The following ERBIN variants were observed in gnomAD, a reference collection of about 807,000 sequenced individuals.
ERBIN encodes densin-180-like protein.
A neutral mutation model predicts 158.4 loss-of-function variants in ERBIN; 60 were observed. That is an observed-to-expected ratio of 0.38 (90% CI 0.31 to 0.47). The LOEUF is 0.47. Ranked by LOEUF, ERBIN falls within the 20% of genes least tolerant of loss-of-function variation. The pLI, the probability that ERBIN is intolerant of heterozygous loss-of-function variation, is 0.99. For synonymous variants in ERBIN, 594 were observed against 557.2 expected (o/e 1.07, Z -0.93); for missense variants, 1,610 against 1,648.0 (o/e 0.98, Z 0.40).
At chr5:66,025,337 T>A in intron 10 of ERBIN, 143 bp from the exon 11 acceptor site, 1 of 685,948 alleles carries the variant, frequency 1.5e-6, no homozygotes, top group South Asian at 1.6e-5. Context: ...AACATTGGGA[T>A]TGGGAGTGGT....
At chr5:65,947,773 G>A (rs1369770844) in intron 1 of ERBIN, among the ~76,000 whole-genome samples, 1 of 152,032 alleles carries the variant, frequency 6.6e-6, no homozygotes, top group African/African-American at 2.4e-5. Flanking sequence ...TTGGGAGGCC[G>A]AGGCAGGCAG....
intron 1 of ERBIN, among the ~76,000 whole-genome samples, chr5:65,974,352 T>C (rs1749629935): frequency 6.6e-6 from 1 of 152,188 alleles, no homozygotes; most frequent in Admixed American, 6.5e-5. Flanking sequence ...TCCTGTGACC[T>C]TTGATTATTA....
chr5:65,935,584 T>C (rs112319311), intron 1 of ERBIN, among the ~76,000 whole-genome samples: 1 of 152,230 alleles, frequency 6.6e-6, no homozygotes, highest in African/African-American at 2.4e-5. Context: ...AAATATTTCA[T>C]TCCTTAGTAA....
At chr5:66,020,006 C>T (rs1355631456) in intron 7 of ERBIN, among the ~76,000 whole-genome samples, 2 of 152,012 alleles carry the variant, frequency 1.3e-5, no homozygotes, top group African/African-American at 4.8e-5. Context: ...GGAGAAAGAT[C>T]GTGGAAGCAA....
rs1358327469 is a variant in ERBIN at position 65,944,745 on chromosome 5, G to A, written c.-58+17939G>A. Among the ~76,000 whole-genome samples the A allele has an allele frequency of 3.9e-5, 6 of 152,074 alleles. 1 individual carries two copies. The East Asian group carries it at 7.7e-4, about 20-fold the overall frequency. On this transcript the variant is annotated intron_variant, in intron 1 of 25. Coordinates refer to ENST00000284037, the MANE Select transcript of ERBIN (RefSeq NM_001253697.2). ...CATTTCCTTGATAATTAGAGATGTCGAGTATCTTTATATGTACTTTTTGGC... is the reference window on the plus strand; with the variant it reads ...CATTTCCTTGATAATTAGAGATGTCAAGTATCTTTATATGTACTTTTTGGC...
intron 14 of ERBIN, among the ~76,000 whole-genome samples, chr5:66,030,730 A>AT (rs1054507500): frequency 2.7e-4 from 40 of 147,182 alleles, no homozygotes; most frequent in South Asian, 1.3e-3. Flanking sequence ...GCCCAGCTAA[A>AT]TTTTTTTTTT....
At chr5:66,066,075 T>C (rs927137601) in intron 21 of ERBIN, among the ~76,000 whole-genome samples, 1 of 152,202 alleles carries the variant, frequency 6.6e-6, no homozygotes, top group African/African-American at 2.4e-5. Flanking sequence ...GTTCAAAACA[T>C]TCTAAAATCA....
At chr5:65,986,095 C>G (rs1751197186) in intron 1 of ERBIN, among the ~76,000 whole-genome samples, 1 of 152,160 alleles carries the variant, frequency 6.6e-6, no homozygotes, top group African/African-American at 2.4e-5. Context: ...GTCTGCCCTC[C>G]TGCCCTTGAT....
intron 24 of ERBIN, 170 bp from the exon 25 acceptor site, chr5:66,076,705 A>G (rs1396853052): frequency 1.6e-6 from 1 of 620,306 alleles, no homozygotes; most frequent in Non-Finnish European, 2.9e-6. Flanking sequence ...TAAAGTCAGA[A>G]TTACTAGAGG....
intron 1 of ERBIN, among the ~76,000 whole-genome samples, chr5:65,931,389 G>T (rs1743356170): frequency 6.6e-6 from 1 of 152,162 alleles, no homozygotes; most frequent in African/African-American, 2.4e-5. Flanking sequence ...AATAATCTGG[G>T]ACAACTTACT....
At position 66,082,214 on chromosome 5, in the gene ERBIN, G is replaced by A. The variant is rs1762415921; in HGVS notation, c.*3684G>A. On this transcript the variant is annotated 3_prime_UTR_variant, in exon 26 of 26. Transcript: ENST00000284037. ...AGCTGAGAAAGCCTAAAATGTTAGA[G>A]AATGTTTAGAGAAAACACCTGAAAT... 6.6e-6 allele frequency: 1 copy of A among 152,172 alleles called. No individual in the cohort carries two copies. The highest frequency in any genetic ancestry group is 1.5e-5 in the Non-Finnish European group (1 of 68,032). The allele number at this position is 152,172 out of a possible 1,614,324, so 9.4% of individuals were successfully genotyped here. A position where few individuals can be genotyped will look rare whatever the true frequency, so the allele number is the denominator to read the frequency against.
intron 24 of ERBIN, 54 bp from the exon 25 acceptor site, chr5:66,076,821 C>A: frequency 7.5e-7 from 1 of 1,337,106 alleles, no homozygotes; most frequent in Non-Finnish European, 1.1e-6. Flanking sequence ...CTCCTTGGTA[C>A]TCTGTTATTT....
At chr5:66,015,573 G>A (rs998201771) in intron 7 of ERBIN, among the ~76,000 whole-genome samples, 66 of 152,204 alleles carry the variant, frequency 4.3e-4, no homozygotes, top group African/African-American at 1.5e-3. Context: ...AATATTTACT[G>A]TCTGGCCCTT....
Position 66,029,939 on chromosome 5 carries a change from A to T in ERBIN, c.1206+1596A>T, listed in dbSNP as rs1756679862. Among the ~76,000 whole-genome samples the T allele has an allele frequency of 2.0e-5, 3 of 152,072 alleles. No individual in the cohort carries two copies. The South Asian group carries it at 6.2e-4, about 31-fold the overall frequency. ...CATTACTAATATCCCAGAAGCCTTA[A>T]ATTTATGTTAATCCATGGTTATGAA... is the stretch of plus-strand genomic sequence containing the variant. On this transcript the variant is annotated intron_variant, in intron 14 of 25. Transcript: ENST00000284037.
At chr5:66,030,373 G>A (rs1346092514) in intron 14 of ERBIN, among the ~76,000 whole-genome samples, 1 of 151,952 alleles carries the variant, frequency 6.6e-6, no homozygotes, top group Non-Finnish European at 1.5e-5. Context: ...GGCAATTACC[G>A]TATCTGTTAT....
rs761024543 is a variant in ERBIN at position 66,054,464 on chromosome 5, G to A, written c.3146G>A (p.Gly1049Asp). 1.9e-6 allele frequency: 3 copies of A among 1,614,080 alleles called. No individual in the cohort carries two copies. Among genetic ancestry groups the A allele is most frequent in the East Asian group, 4.5e-5 (2 of 44,886 alleles). The change falls in exon 21 of 26, where the codon GGC (glycine) becomes GAC (aspartate). Residue 1049 changes from glycine (G) to aspartate (D), a missense_variant. This residue lies in a region of ERBIN where 1,014 missense variants were observed against 936.1 expected (regional missense o/e 1.08). Transcript: ENST00000284037. Reference sequence around the variant, plus strand: ...GCATACCATTTACATCAGAGACTTGGCCCAGCAAGACATGGGGAAATGTGG... The same window carrying A: ...GCATACCATTTACATCAGAGACTTGACCCAGCAAGACATGGGGAAATGTGG... ...NTAYHLHQRL[G>D]PARHGEMWAI...
rs1760078369 is a variant in ERBIN, at chr5:66,059,966, C to G, written c.3633+5015C>G. Among the ~76,000 whole-genome samples the G allele has an allele frequency of 2.0e-5, 3 of 152,136 alleles. No individual in the cohort carries two copies. The South Asian group carries it at 6.2e-4, about 31-fold the overall frequency. ...AGTATTTTATTGAGGATTTTTGCAT[C>G]AATGTTCATCAAGGATATTGGTCTA... is the stretch of plus-strand genomic sequence containing the variant. On this transcript the variant is annotated intron_variant, in intron 21 of 25. Coordinates refer to ENST00000284037, the MANE Select transcript of ERBIN (RefSeq NM_001253697.2).
intron 2 of ERBIN, among the ~76,000 whole-genome samples, chr5:65,989,731 T>C (rs891836565): frequency 6.6e-6 from 1 of 152,240 alleles, no homozygotes; most frequent in Non-Finnish European, 1.5e-5. Flanking sequence ...TGTTTACATG[T>C]GTGACTAATA....
In ERBIN at chr5:66,079,900, T is replaced by G. The variant is rs1762307745; in HGVS notation, c.*1370T>G. 1 of 152,228 alleles carries G rather than the reference T, an allele frequency of 6.6e-6. No homozygotes were observed. Among genetic ancestry groups the G allele is most frequent in the Non-Finnish European group, 1.5e-5 (1 of 68,016 alleles). 9.4% of individuals were successfully genotyped at this position (152,228 alleles called of 1,614,324 possible). ...TTTTGTTTATCCAGACCATTAATTT[T>G]ATTTGTTTTTGTTCTATGTAATCAA... On this transcript the variant is annotated 3_prime_UTR_variant, in exon 26 of 26. Transcript: ENST00000284037.
Sources: allele counts gnomAD v4.1 joint callset (sites outside exome capture counted in the v4.1 genomes callset), GRCh38; gene constraint gnomAD v4.1.1; regional missense constraint gnomAD v4.1.1; transcripts MANE v1.5; gene names NCBI Gene and HGNC (gene_info 2026-07-23, HGNC 2026-07-21).